The following CFAP299 variants were observed in gnomAD, a reference collection of about 807,000 sequenced individuals.
CFAP299 encodes the protein cilia and flagella associated protein 299, also known as cilia- and flagella-associated protein 299.
CFAP299 carries 21 observed loss-of-function variants against 27.0 expected under a neutral mutation model. The ratio of observed to expected loss-of-function variants is 0.78; its 90% CI spans 0.55 to 1.12. The LOEUF (loss-of-function observed/expected upper bound fraction) is 1.12, where lower values mean the gene tolerates loss of function less well. CFAP299 is among the 50% of genes most tolerant of loss of function. The pLI is 0.00. For missense variants in CFAP299, 310 were observed against 276.6 expected (o/e 1.12, Z -0.86); for synonymous variants, 104 against 98.1 (o/e 1.06, Z -0.36).
At chr4:80,651,280 T>TCTCTCTCTTC (rs1740265392) in intron 3 of CFAP299, among the ~76,000 whole-genome samples, 1 of 120,424 alleles carries the variant, frequency 8.3e-6, no homozygotes, top group African/African-American at 2.6e-5. Context: ...TTTCTCTCTT[T>TCTCTCTCTTC]CTCTCTCTTA....
At chr4:80,883,774 C>T (rs969730865) in intron 4 of CFAP299, among the ~76,000 whole-genome samples, 1 of 151,812 alleles carries the variant, frequency 6.6e-6, no homozygotes, top group South Asian at 2.1e-4. Flanking sequence ...ATATATGAAC[C>T]AAATATCAAC....
At chr4:80,394,871 T>C (rs2110041250) in intron 2 of CFAP299, among the ~76,000 whole-genome samples, 1 of 152,280 alleles carries the variant, frequency 6.6e-6, no homozygotes, top group African/African-American at 2.4e-5. Flanking sequence ...TACCTCCAGC[T>C]TTGCTCTTTT....
intron 4 of CFAP299, among the ~76,000 whole-genome samples, chr4:80,901,320 A>G (rs1734881686): frequency 1.3e-5 from 2 of 152,172 alleles, no homozygotes; most frequent in South Asian, 4.1e-4. Flanking sequence ...TTACTGTATC[A>G]ACAGGATTGT....
chr4:80,548,927 AG>A (rs1429637499), intron 2 of CFAP299, among the ~76,000 whole-genome samples: 1 of 152,132 alleles, frequency 6.6e-6, no homozygotes, highest in African/African-American at 2.4e-5. Flanking sequence ...AGCAGGAGTT[AG>A]GGAGACAAAA....
intron 4 of CFAP299, among the ~76,000 whole-genome samples, chr4:80,919,217 G>T (rs1340589648): frequency 6.6e-6 from 1 of 152,100 alleles, no homozygotes; most frequent in Non-Finnish European, 1.5e-5. Context: ...TTACCAAACA[G>T]AATATTCCTA....
chr4:80,941,958 A>G (rs1176428323), intron 4 of CFAP299, among the ~76,000 whole-genome samples: 1 of 152,192 alleles, frequency 6.6e-6, no homozygotes, highest in East Asian at 1.9e-4. Flanking sequence ...CCCCACCTCC[A>G]ACATTGGGGA....
chr4:80,807,508 C>G (rs1301390926), intron 3 of CFAP299, among the ~76,000 whole-genome samples: 1 of 152,024 alleles, frequency 6.6e-6, no homozygotes, highest in East Asian at 1.9e-4. Context: ...CTTTAGAAAA[C>G]TCAATGACTC....
In CFAP299 at chr4:80,447,139, T is replaced by G. The variant is rs1209560581; in HGVS notation, c.242+84255T>G. 2.7e-3 allele frequency among the ~76,000 whole-genome samples: 336 copies of G among 123,316 alleles called. 9 individuals carry two copies. Among genetic ancestry groups the G allele is most frequent in the African/African-American group, 6.2e-3 (170 of 27,524 alleles). 80.9% of individuals were successfully genotyped at this position (123,316 alleles called of 152,430 possible). On this transcript the variant is annotated intron_variant, in intron 2 of 5. Transcript: ENST00000358105. The stretch of plus-strand genomic sequence containing the variant: ...TATTTGTTTTTTTTTTGTTTTTTTT[T>G]TTTTTTTTTTTTTTGAGACGGAGTC...
intron 3 of CFAP299, among the ~76,000 whole-genome samples, chr4:80,755,258 A>T (rs779912430): frequency 6.6e-5 from 10 of 152,128 alleles, no homozygotes; most frequent in Non-Finnish European, 8.8e-5. Context: ...ATTAGGCTGC[A>T]TGTAAAATTG....
At chr4:80,903,271 G>T (rs1220878732) in intron 4 of CFAP299, among the ~76,000 whole-genome samples, 1 of 152,018 alleles carries the variant, frequency 6.6e-6, no homozygotes, top group East Asian at 1.9e-4. Flanking sequence ...GGTCTCAGGA[G>T]AGATTTTTCC....
chr4:80,915,170 A>G (rs1735681490), intron 4 of CFAP299, among the ~76,000 whole-genome samples: 1 of 152,000 alleles, frequency 6.6e-6, no homozygotes, highest in African/African-American at 2.4e-5. Flanking sequence ...CATGGATTAT[A>G]TAAAAGTTTT....
chr4:80,890,540 T>C, intron 4 of CFAP299, among the ~76,000 whole-genome samples: 1 of 151,622 alleles, frequency 6.6e-6, no homozygotes, highest in Non-Finnish European at 1.5e-5. Flanking sequence ...TGTGTCTTTA[T>C]AGCAGCATGA....
intron 2 of CFAP299, among the ~76,000 whole-genome samples, chr4:80,427,819 C>T (rs1250470406): frequency 6.6e-6 from 1 of 152,060 alleles, no homozygotes; most frequent in Non-Finnish European, 1.5e-5. Context: ...GCCTATAATG[C>T]TTAGAATTTC....
At chr4:80,391,539 T>C (rs938329689) in intron 2 of CFAP299, among the ~76,000 whole-genome samples, 1 of 152,224 alleles carries the variant, frequency 6.6e-6, no homozygotes, top group Non-Finnish European at 1.5e-5. Flanking sequence ...AGACTGCGTA[T>C]GCAAGGTGGT....
chr4:80,528,670 G>A (rs1426235913), intron 2 of CFAP299, among the ~76,000 whole-genome samples: 1 of 152,026 alleles, frequency 6.6e-6, no homozygotes, highest in Non-Finnish European at 1.5e-5. Context: ...ACAACATTGG[G>A]TGAGAAGAGA....
intron 3 of CFAP299, among the ~76,000 whole-genome samples, chr4:80,811,024 A>G (rs1021662128): frequency 2.5e-4 from 38 of 152,084 alleles, no homozygotes; most frequent in Admixed American, 2.5e-3. Context: ...GAGAATGAAG[A>G]CTTGACCCTA....
intron 3 of CFAP299, among the ~76,000 whole-genome samples, chr4:80,740,387 G>C (rs900436049): frequency 6.6e-6 from 1 of 152,174 alleles, no homozygotes; most frequent in Non-Finnish European, 1.5e-5. Flanking sequence ...ATACTGCTTT[G>C]GTGGTCTTGG....
intron 2 of CFAP299, among the ~76,000 whole-genome samples, chr4:80,374,486 C>G (rs1036004728): frequency 4.6e-5 from 7 of 152,092 alleles, no homozygotes; most frequent in Non-Finnish European, 1.0e-4. Flanking sequence ...TGGGGGTTTG[C>G]TAGCTCTTAC....
chr4:80,817,720 A>G (rs1014662926), intron 3 of CFAP299, among the ~76,000 whole-genome samples: 68 of 140,004 alleles, frequency 4.9e-4, no homozygotes, highest in Non-Finnish European at 2.7e-4. Context: ...TGTAAGTACA[A>G]ACAACTTTTT....
Sources: allele counts gnomAD v4.1 joint callset (sites outside exome capture counted in the v4.1 genomes callset), GRCh38; gene constraint gnomAD v4.1.1; transcripts MANE v1.5; gene names NCBI Gene and HGNC (gene_info 2026-07-23, HGNC 2026-07-21).